Variants in PROS1 observed in about 807,000 individuals in gnomAD.
The protein encoded by PROS1 is vitamin K-dependent protein S.
Under a neutral mutation model 75.9 loss-of-function variants are expected in PROS1, and 29 were observed. The observed-to-expected ratio is 0.38, with a 90% CI of 0.28 to 0.52. The LOEUF (loss-of-function observed/expected upper bound fraction) is 0.52. Among genes scored for constraint, PROS1 ranks in the 20% least tolerant of loss-of-function variants. The pLI is 0.83. For missense variants in PROS1, 680 were observed against 810.3 expected, an observed-to-expected ratio of 0.84 and a Z score of 1.95; for synonymous variants, 245 against 280.6, an observed-to-expected ratio of 0.87 and a Z score of 1.27.
At chr3:93,970,252 C>T (rs1004380398) in intron 1 of PROS1, among the ~76,000 whole-genome samples, 2 of 152,206 alleles carry the variant, frequency 1.3e-5, no homozygotes, top group Admixed American at 6.5e-5. Context: ...CAAATTAGCA[C>T]AGCCAAAGGG....
chr3:93,908,437 A>G (rs1476044028), intron 4 of PROS1, among the ~76,000 whole-genome samples: 1 of 152,172 alleles, frequency 6.6e-6, no homozygotes, highest in Non-Finnish European at 1.5e-5. Flanking sequence ...GAGTTTGGGG[A>G]GATCAAATTA....
rs571232824 is a variant in PROS1 at position 93,938,594 on chromosome 3, T to C, written c.77-11187A>G. 4.6e-4 allele frequency among the ~76,000 whole-genome samples: 70 copies of C among 152,268 alleles called. 1 individual carries two copies. The South Asian group carries it at 0.014, about 30-fold the overall frequency. ...CACCAATTTCAAATCGGTTAAGCGG[T>C]CTTTTCACTCTCTTCTCCAGCCTCT... On this transcript the variant is annotated intron_variant, in intron 1 of 14. Transcript: ENST00000394236.
At chr3:93,881,043 G>C (rs1311660917) in intron 12 of PROS1, among the ~76,000 whole-genome samples, 1 of 152,110 alleles carries the variant, frequency 6.6e-6, no homozygotes. Flanking sequence ...CAGTAAAAAA[G>C]GCTGGGCACA....
chr3:93,882,964 A>C (rs2107134529), intron 12 of PROS1, among the ~76,000 whole-genome samples: 1 of 152,318 alleles, frequency 6.6e-6, no homozygotes, highest in South Asian at 2.1e-4. Flanking sequence ...CAGATTAGGA[A>C]GAACAAACAA....
chr3:93,923,694 G>A (rs1708976199), intron 3 of PROS1, among the ~76,000 whole-genome samples: 1 of 152,122 alleles, frequency 6.6e-6, no homozygotes, highest in Admixed American at 6.5e-5. Context: ...GAGCCCAGGA[G>A]TTCAAGACTA....
intron 1 of PROS1, among the ~76,000 whole-genome samples, chr3:93,964,434 C>T (rs553897558): frequency 7.9e-5 from 12 of 152,092 alleles, no homozygotes; most frequent in African/African-American, 1.7e-4. Context: ...CTGTCCTATG[C>T]GGTTGAGATA....
intron 1 of PROS1, among the ~76,000 whole-genome samples, chr3:93,960,269 T>C (rs537107263): frequency 2.6e-5 from 4 of 151,546 alleles, no homozygotes; most frequent in South Asian, 2.1e-4. Context: ...CTCAGCCTCC[T>C]GGGTTCACGC....
chr3:93,952,684 C>T (rs1250499008), intron 1 of PROS1, among the ~76,000 whole-genome samples: 1 of 152,058 alleles, frequency 6.6e-6, no homozygotes, highest in Non-Finnish European at 1.5e-5. Context: ...AAAGCAAGAG[C>T]AAACACATTC....
At chr3:93,941,801 G>C (rs1373913082) in intron 1 of PROS1, among the ~76,000 whole-genome samples, 1 of 152,140 alleles carries the variant, frequency 6.6e-6, no homozygotes, top group African/African-American at 2.4e-5. Context: ...AACACTTTTA[G>C]AGGCCCTCAA....
At chr3:93,924,559 A>G (rs1414302842) in intron 2 of PROS1, among the ~76,000 whole-genome samples, 8 of 152,052 alleles carry the variant, frequency 5.3e-5, no homozygotes, top group Non-Finnish European at 1.2e-4. Context: ...CCTTTTTTGT[A>G]CATCCTTTAA....
chr3:93,959,719 G>A (rs1398284256), intron 1 of PROS1, among the ~76,000 whole-genome samples: 3 of 152,096 alleles, frequency 2.0e-5, no homozygotes, highest in East Asian at 1.9e-4. Context: ...GATGTTCCAC[G>A]GACCATACTG....
intron 1 of PROS1, among the ~76,000 whole-genome samples, chr3:93,928,019 T>A (rs1477253734): frequency 4.6e-5 from 4 of 86,772 alleles, no homozygotes; most frequent in South Asian, 4.4e-4. Flanking sequence ...ATATTTTTTT[T>A]TTTTTTTTTT....
intron 10 of PROS1, among the ~76,000 whole-genome samples, chr3:93,889,596 GA>G (rs1708400196): frequency 6.6e-6 from 1 of 152,136 alleles, no homozygotes; most frequent in Non-Finnish European, 1.5e-5. Flanking sequence ...CTAGAGCAAG[GA>G]AAATCTCTTG....
At chr3:93,946,850 A>C (rs1182721033) in intron 1 of PROS1, among the ~76,000 whole-genome samples, 3 of 151,154 alleles carry the variant, frequency 2.0e-5, no homozygotes, top group African/African-American at 2.4e-5. Context: ...AAAAAAAAAA[A>C]AAAAAAAACT....
intron 1 of PROS1, among the ~76,000 whole-genome samples, chr3:93,945,134 T>A (rs1486010282): frequency 6.6e-6 from 1 of 152,022 alleles, no homozygotes; most frequent in Admixed American, 6.6e-5. Context: ...AATAGAAGAA[T>A]AACAAGCTTG....
In PROS1 at chr3:93,915,866, C is replaced by T. The variant is rs542810620; in HGVS notation, c.260-5161G>A. ...TCCTAGCCTGCTCCTCCAGATTCTT[C>T]CAGCCTTTAGCCATTACCCAGTTCC... On this transcript the variant is annotated intron_variant, in intron 3 of 14. Coordinates refer to ENST00000394236, the MANE Select transcript of PROS1 (RefSeq NM_000313.4). Among the ~76,000 whole-genome samples, 49 of 152,292 alleles carry T rather than the reference C, an allele frequency of 3.2e-4. 1 individual carries two copies. Among genetic ancestry groups the T allele is most frequent in the African/African-American group, 1.2e-3 (49 of 41,556 alleles).
At position 93,954,378 on chromosome 3, in the gene PROS1, A is replaced by T. The variant is rs551230065; in HGVS notation, c.76+19296T>A. On this transcript the variant is annotated intron_variant, in intron 1 of 14. Transcript: ENST00000394236. ...GCATGGTACTGGTACCAAAACAGAG[A>T]TATAGACCAATGGAACAGAACAGAA... Among the ~76,000 whole-genome samples, 16 of 152,330 alleles carry T rather than the reference A, an allele frequency of 1.1e-4. No homozygotes were observed. The East Asian group carries it at 3.1e-3, about 29-fold the overall frequency.
chr3:93,901,048 G>T, intron 6 of PROS1, 119 bp from the exon 7 acceptor site: 1 of 1,094,678 alleles, frequency 9.1e-7, no homozygotes, highest in Non-Finnish European at 1.3e-6. Flanking sequence ...TAACAGATTG[G>T]CCTTTGGACC....
At chr3:93,876,915 C>T (rs190839873) in intron 14 of PROS1, 51 bp downstream of exon 14, 41 of 1,157,098 alleles carry the variant, frequency 3.5e-5, no homozygotes, top group East Asian at 1.4e-4. Context: ...AAAATATTAT[C>T]GGTTTGATTA....
Sources: allele counts gnomAD v4.1 joint callset (sites outside exome capture counted in the v4.1 genomes callset), GRCh38; gene constraint gnomAD v4.1.1; transcripts MANE v1.5; gene names NCBI Gene and HGNC (gene_info 2026-07-23, HGNC 2026-07-21).